The following EGF variants were observed in gnomAD, a reference collection of about 807,000 sequenced individuals.
The protein encoded by EGF is pro-epidermal growth factor.
EGF carries 95 observed loss-of-function variants against 143.8 expected under a neutral mutation model. The observed-to-expected ratio is 0.66, with a 90% CI of 0.56 to 0.78. The LOEUF is 0.78. Ranked by LOEUF, EGF falls within the 30% of genes least tolerant of loss-of-function variation. The pLI, the probability that EGF is intolerant of heterozygous loss-of-function variation, is 0.00. For synonymous variants in EGF, 510 were observed against 510.5 expected (o/e 1.00, Z 0.01); for missense variants, 1,320 against 1,470.9 (o/e 0.90, Z 1.68).
At chr4:109,923,506 G>T (rs1170302551) in intron 1 of EGF, among the ~76,000 whole-genome samples, 1 of 151,626 alleles carries the variant, frequency 6.6e-6, no homozygotes, top group Non-Finnish European at 1.5e-5. Flanking sequence ...TTAATCAGTA[G>T]ATTAATTTTT....
intron 10 of EGF, 139 bp downstream of exon 10, chr4:109,964,676 A>T: frequency 8.0e-7 from 1 of 1,257,476 alleles, no homozygotes; most frequent in East Asian, 2.3e-5. Flanking sequence ...TTAAATATAG[A>T]TATTGGAGTA....
chr4:109,979,765 T>C (rs1437299872), intron 13 of EGF, among the ~76,000 whole-genome samples: 2 of 152,172 alleles, frequency 1.3e-5, no homozygotes, highest in African/African-American at 4.8e-5. Context: ...CTCATGCCAC[T>C]ATGCTCCCAT....
chr4:109,961,819 A>G, intron 7 of EGF, 44 bp from the exon 8 acceptor site: 7 of 1,610,968 alleles, frequency 4.3e-6, no homozygotes, highest in Non-Finnish European at 5.9e-6. Flanking sequence ...AATTTTTGCA[A>G]ACCCGATTTA....
At chr4:109,999,360 T>C (rs934953226) in intron 20 of EGF, among the ~76,000 whole-genome samples, 1 of 152,216 alleles carries the variant, frequency 6.6e-6, no homozygotes, top group Non-Finnish European at 1.5e-5. Context: ...TTGCTTTGTG[T>C]TGGTTTTAAA....
In EGF at chr4:109,974,684, T is replaced by A. The variant is rs753950806; in HGVS notation, c.1725-19T>A. On this transcript the variant is annotated intron_variant, in intron 11 of 23. Coordinates refer to ENST00000265171, the MANE Select transcript of EGF (RefSeq NM_001963.6). ...GTAAAGGTGTTATAACAAACTCCCT[T>A]ATTTTGCACATATTTTAGGAAATCT... The A allele has an allele frequency of 6.3e-7, 1 of 1,583,818 alleles. No homozygotes were observed. Among genetic ancestry groups the A allele is most frequent in the South Asian group, 1.1e-5 (1 of 90,468 alleles).
chr4:109,938,494 G>A (rs1741287225), intron 1 of EGF, among the ~76,000 whole-genome samples: 1 of 152,080 alleles, frequency 6.6e-6, no homozygotes, highest in African/African-American at 2.4e-5. Context: ...TGTTATTACT[G>A]ATCTTCTGAA....
chr4:109,914,300 A>G (rs1010078827), intron 1 of EGF, among the ~76,000 whole-genome samples: 10 of 152,158 alleles, frequency 6.6e-5, no homozygotes, highest in Non-Finnish European at 1.5e-4. Flanking sequence ...CCGACATTCC[A>G]TTTTTATCAG....
chr4:109,986,452 G>C (rs1202907408), intron 16 of EGF, among the ~76,000 whole-genome samples: 2 of 152,136 alleles, frequency 1.3e-5, no homozygotes, highest in African/African-American at 4.8e-5. Context: ...AGCATGAAAG[G>C]CATCTGCTCC....
rs41421149 is a variant in EGF, at chr4:109,941,200, T to A, written c.327+55T>A. On this transcript the variant is annotated intron_variant, in intron 2 of 23. Coordinates refer to ENST00000265171, the MANE Select transcript of EGF (RefSeq NM_001963.6). ...CTGTTTTTGTACAGGCTGACAAATA[T>A]AATATACTGAATTCTTAATGTATAG... 3.6e-4 allele frequency: 531 copies of A among 1,489,048 alleles called. 1 individual carries two copies. The African/African-American group carries it at 6.3e-3, about 18-fold the overall frequency. 92.2% of individuals were successfully genotyped at this position (1,489,048 alleles called of 1,614,324 possible).
intron 6 of EGF, among the ~76,000 whole-genome samples, 156 bp from the exon 7 acceptor site, chr4:109,960,711 T>C (rs1745544911): frequency 6.6e-6 from 1 of 152,124 alleles, no homozygotes; most frequent in Non-Finnish European, 1.5e-5. Flanking sequence ...ATTGACTTAT[T>C]TTACCCTTTG....
intron 22 of EGF, among the ~76,000 whole-genome samples, chr4:110,006,821 C>T (rs1235593624): frequency 6.6e-6 from 1 of 152,224 alleles, no homozygotes; most frequent in African/African-American, 2.4e-5. Flanking sequence ...TCATAACTGT[C>T]GTTGACAGCA....
intron 21 of EGF, among the ~76,000 whole-genome samples, chr4:110,002,221 G>T (rs1381070030): frequency 6.6e-6 from 1 of 152,124 alleles, no homozygotes; most frequent in African/African-American, 2.4e-5. Context: ...TGCTGGGTGT[G>T]GTGGCTCGTG....
chr4:109,926,973 T>A (rs1047450605), intron 1 of EGF, among the ~76,000 whole-genome samples: 1 of 152,224 alleles, frequency 6.6e-6, no homozygotes, highest in South Asian at 2.1e-4. Flanking sequence ...TTTTAAAACA[T>A]TTACAAACAG....
At chr4:109,976,867 T>C (rs1334586114) in intron 13 of EGF, among the ~76,000 whole-genome samples, 1 of 152,224 alleles carries the variant, frequency 6.6e-6, no homozygotes, top group Non-Finnish European at 1.5e-5. Flanking sequence ...ATGTTAGTAC[T>C]ACCAGGATAT....
chr4:109,947,784 A>G (rs1324330156), intron 5 of EGF, among the ~76,000 whole-genome samples: 4 of 152,194 alleles, frequency 2.6e-5, no homozygotes, highest in Non-Finnish European at 2.9e-5. Flanking sequence ...TCTTACATTT[A>G]TATGTAACCT....
At chr4:109,996,959 A>G (rs1427685956) in intron 20 of EGF, among the ~76,000 whole-genome samples, 1 of 152,102 alleles carries the variant, frequency 6.6e-6, no homozygotes, top group African/African-American at 2.4e-5. Context: ...AACAGGCTGT[A>G]TGGTCAAATC....
intron 20 of EGF, 88 bp from the exon 21 acceptor site, chr4:109,999,591 G>A (rs1297662114): frequency 1.3e-6 from 2 of 1,542,532 alleles, no homozygotes; most frequent in East Asian, 2.2e-5. Flanking sequence ...AAATGCAGAG[G>A]TTGAGAGACA....
At chr4:109,932,788 G>A (rs1275759827) in intron 1 of EGF, among the ~76,000 whole-genome samples, 1 of 152,108 alleles carries the variant, frequency 6.6e-6, no homozygotes, top group African/African-American at 2.4e-5. Flanking sequence ...AGACTATAGA[G>A]CATGCATGAT....
intron 18 of EGF, among the ~76,000 whole-genome samples, chr4:109,991,233 A>G (rs1750893637): frequency 6.6e-6 from 1 of 151,836 alleles, no homozygotes; most frequent in South Asian, 2.1e-4. Context: ...CAGTGTAAAA[A>G]TTATTGAGAT....
Sources: gnomAD v4.1 joint callset for allele counts (sites outside exome capture counted in the v4.1 genomes callset) on GRCh38, gnomAD v4.1.1 for gene constraint, MANE v1.5 for transcripts, NCBI Gene and HGNC (gene_info 2026-07-23, HGNC 2026-07-21) for gene names.